The following KHDRBS2 variants were observed in gnomAD, a reference collection of about 807,000 sequenced individuals.
The protein encoded by KHDRBS2 is KH RNA binding domain containing, signal transduction associated 2.
KHDRBS2 carries 26 observed loss-of-function variants against 44.3 expected under a neutral mutation model. That is an observed-to-expected ratio of 0.59 (90% CI 0.43 to 0.81). KHDRBS2 has a LOEUF of 0.81. Among genes scored for constraint, KHDRBS2 ranks in the 40% least tolerant of loss-of-function variants. KHDRBS2 has a pLI of 0.00. For missense variants in KHDRBS2, 476 were observed against 433.1 expected (o/e 1.10, Z -0.88); for synonymous variants, 194 against 151.1 (o/e 1.28, Z -2.08).
At chr6:62,066,064 A>G (rs1288875380) in intron 2 of KHDRBS2, among the ~76,000 whole-genome samples, 2 of 151,660 alleles carry the variant, frequency 1.3e-5, no homozygotes. Flanking sequence ...TCTTTGCCAT[A>G]TTTATACAAC....
the KHDRBS2 span, among the ~76,000 whole-genome samples, chr6:61,615,233 C>CAAAAAAAAAAAAAAAAAAAAAAAAA: frequency 2.4e-4 from 14 of 58,572 alleles, no homozygotes; most frequent in Middle Eastern, 0.013. Flanking sequence ...ACTCCATCTC[C>CAAAAAAAAAAAAAAAAAAAAAAAAA]AAAAAAAAAA....
chr6:61,548,940 T>C, the KHDRBS2 span, among the ~76,000 whole-genome samples: 1 of 152,096 alleles, frequency 6.6e-6, no homozygotes, highest in African/African-American at 2.4e-5. Flanking sequence ...GTCAGTTTGG[T>C]AGCTTAAAGA....
At chr6:61,604,148 A>T in the KHDRBS2 span, among the ~76,000 whole-genome samples, 2 of 152,210 alleles carry the variant, frequency 1.3e-5, no homozygotes, top group African/African-American at 2.4e-5. Flanking sequence ...TATCCTGCAC[A>T]GCCATGCTGT....
At chr6:61,924,900 C>G (rs1389662396) in intron 4 of KHDRBS2, among the ~76,000 whole-genome samples, 2 of 151,868 alleles carry the variant, frequency 1.3e-5, no homozygotes, top group Admixed American at 1.3e-4. Flanking sequence ...TTAAGAGAGC[C>G]CACTCTCTTT....
At chr6:62,031,226 C>T (rs1677783693) in intron 3 of KHDRBS2, among the ~76,000 whole-genome samples, 1 of 151,942 alleles carries the variant, frequency 6.6e-6, no homozygotes, top group Admixed American at 6.6e-5. Flanking sequence ...CTAAAGAGCC[C>T]TTGAGCCCGG....
At chr6:61,808,790 A>G (rs1787602185) in intron 6 of KHDRBS2, among the ~76,000 whole-genome samples, 1 of 152,112 alleles carries the variant, frequency 6.6e-6, no homozygotes, top group African/African-American at 2.4e-5. Context: ...ATCTGTATTG[A>G]TATTTCATGT....
intron 3 of KHDRBS2, among the ~76,000 whole-genome samples, chr6:62,027,633 G>C (rs1322519771): frequency 1.3e-5 from 2 of 152,018 alleles, no homozygotes; most frequent in Non-Finnish European, 2.9e-5. Flanking sequence ...GAGTGGGAGG[G>C]GCAAGGGTTT....
chr6:62,087,491 GA>G, intron 2 of KHDRBS2, among the ~76,000 whole-genome samples: 1 of 151,500 alleles, frequency 6.6e-6, no homozygotes, highest in Non-Finnish European at 1.5e-5. Flanking sequence ...AGGCCAAAAA[GA>G]AATAAAAAAA....
intron 6 of KHDRBS2, among the ~76,000 whole-genome samples, chr6:61,847,717 A>G (rs1466471425): frequency 6.6e-6 from 1 of 152,100 alleles, no homozygotes; most frequent in African/African-American, 2.4e-5. Flanking sequence ...TTCAATAATA[A>G]AAGTGTTTTC....
chr6:61,604,914 T>G, the KHDRBS2 span, among the ~76,000 whole-genome samples: 1 of 152,132 alleles, frequency 6.6e-6, no homozygotes, highest in African/African-American at 2.4e-5. Context: ...TACAGTCCAA[T>G]AATGGACTGA....
intron 6 of KHDRBS2, among the ~76,000 whole-genome samples, chr6:61,764,618 C>G (rs1296069589): frequency 7.9e-5 from 12 of 152,240 alleles, no homozygotes; most frequent in African/African-American, 2.6e-4. Context: ...TTGCATTTCT[C>G]TAATGATCAG....
At chr6:61,640,197 A>T in the KHDRBS2 span, among the ~76,000 whole-genome samples, 1 of 152,146 alleles carries the variant, frequency 6.6e-6, no homozygotes, top group South Asian at 2.1e-4. Context: ...TAATAAAAAA[A>T]ACTTGGCAGC....
chr6:61,805,490 C>T lies in KHDRBS2; in HGVS notation c.811-72726G>A, dbSNP rs1181560165. Among the ~76,000 whole-genome samples, 3 of 152,132 alleles carry T rather than the reference C, an allele frequency of 2.0e-5. No individual in the cohort carries two copies. The East Asian group carries it at 5.8e-4, about 29-fold the overall frequency. The stretch of plus-strand genomic sequence containing the variant: ...AAGTCACTTCCACATTTCCAGATAT[C>T]TTTATAGCAGCACCCTACTCTATGT... On this transcript the variant is annotated intron_variant, in intron 6 of 8. Transcript: ENST00000281156.
the KHDRBS2 span, among the ~76,000 whole-genome samples, chr6:61,614,756 A>G: frequency 6.6e-6 from 1 of 151,956 alleles, no homozygotes; most frequent in Non-Finnish European, 1.5e-5. Flanking sequence ...TGAACTGGGG[A>G]TTTTTCATCC....
At chr6:61,545,175 G>A in the KHDRBS2 span, among the ~76,000 whole-genome samples, 1 of 152,066 alleles carries the variant, frequency 6.6e-6, no homozygotes, top group African/African-American at 2.4e-5. Flanking sequence ...GCTGGGCATG[G>A]TGGTTCATGC....
chr6:62,133,094 CTG>C (rs1001292097), intron 2 of KHDRBS2, among the ~76,000 whole-genome samples: 1 of 151,930 alleles, frequency 6.6e-6, no homozygotes, highest in African/African-American at 2.4e-5. Flanking sequence ...ATAAGGATGA[CTG>C]TTATTAAAAA....
Position 62,044,928 on chromosome 6 carries a change from T to G in KHDRBS2, c.336+2950A>C, listed in dbSNP as rs542217634. On this transcript the variant is annotated intron_variant, in intron 3 of 8. Transcript: ENST00000281156. Reference sequence around the variant, plus strand: ...ATACTTATGTGTATGTAGGTATGTGTCCTTGGACATATTACATTTCAATGC... The same window carrying G: ...ATACTTATGTGTATGTAGGTATGTGGCCTTGGACATATTACATTTCAATGC... Among the ~76,000 whole-genome samples the G allele has an allele frequency of 5.9e-5, 9 of 152,244 alleles. No individual in the cohort carries two copies. In the East Asian group the frequency reaches 1.2e-3, roughly 20 times the overall value.
intron 6 of KHDRBS2, among the ~76,000 whole-genome samples, chr6:61,862,517 A>C (rs565550281): frequency 6.6e-6 from 1 of 151,938 alleles, no homozygotes; most frequent in East Asian, 1.9e-4. Flanking sequence ...AATTGAGAAC[A>C]CTTAACATAA....
intron 4 of KHDRBS2, among the ~76,000 whole-genome samples, chr6:61,903,688 T>C (rs935047700): frequency 6.6e-6 from 1 of 152,166 alleles, no homozygotes; most frequent in African/African-American, 2.4e-5. Flanking sequence ...TGATTTGCCT[T>C]AGCTAAAACA....
Sources: allele counts gnomAD v4.1 joint callset (sites outside exome capture counted in the v4.1 genomes callset), GRCh38; gene constraint gnomAD v4.1.1; transcripts MANE v1.5; gene names NCBI Gene and HGNC (gene_info 2026-07-23, HGNC 2026-07-21).